The following MAP2K4 variants were observed in gnomAD, a reference collection of about 807,000 sequenced individuals.
MAP2K4 encodes dual specificity mitogen-activated protein kinase kinase 4.
A neutral mutation model predicts 48.5 loss-of-function variants in MAP2K4; 4 were observed. That is an observed-to-expected ratio of 0.08 (90% CI 0.04 to 0.19). MAP2K4 has a LOEUF of 0.19. MAP2K4 is among the 10% of genes least tolerant of loss of function. The pLI is 1.00. For synonymous variants in MAP2K4, 166 were observed against 173.1 expected, an observed-to-expected ratio of 0.96 and a Z score of 0.32; for missense variants, 258 against 493.3, an observed-to-expected ratio of 0.52 and a Z score of 4.52.
At chr17:12,139,684 A>T (rs901816577) in intron 9 of MAP2K4, among the ~76,000 whole-genome samples, 155 bp from the exon 10 acceptor site, 1 of 152,154 alleles carries the variant, frequency 6.6e-6, no homozygotes, top group Non-Finnish European at 1.5e-5. Context: ...AATTTTTTGT[A>T]TGTGCTTTTA....
Position 12,028,852 on chromosome 17 carries a change from A to G in MAP2K4, c.115+7851A>G, listed in dbSNP as rs560770940. ...TAGAGGAATGGGAATGGAGATAACT[A>G]CAAAACCTCATAATGGCCATTACAC... is the stretch of plus-strand genomic sequence containing the variant. On this transcript the variant is annotated intron_variant, in intron 1 of 10. Coordinates refer to ENST00000353533, the MANE Select transcript of MAP2K4 (RefSeq NM_003010.4). Among the ~76,000 whole-genome samples, 47 of 152,288 alleles carry G rather than the reference A, an allele frequency of 3.1e-4. 1 individual carries two copies. The highest frequency in any genetic ancestry group is 1.1e-3 in the African/African-American group (46 of 41,558).
intron 4 of MAP2K4, among the ~76,000 whole-genome samples, chr17:12,104,827 A>G (rs565084987): frequency 2.0e-5 from 3 of 152,236 alleles, no homozygotes; most frequent in Admixed American, 2.0e-4. Context: ...TTCCTATATA[A>G]AAGTCATGGA....
At chr17:12,122,179 C>T (rs1013683877) in intron 7 of MAP2K4, among the ~76,000 whole-genome samples, 6 of 152,178 alleles carry the variant, frequency 3.9e-5, no homozygotes, top group African/African-American at 1.4e-4. Context: ...ATTCCGTTCA[C>T]CTTATCTTAT....
chr17:12,126,618 C>T (rs989399018), intron 8 of MAP2K4, among the ~76,000 whole-genome samples: 2 of 152,230 alleles, frequency 1.3e-5, no homozygotes, highest in African/African-American at 4.8e-5. Context: ...AGGGTTCCAC[C>T]CTCGTGACCC....
chr17:12,046,061 C>T (rs929212116), intron 1 of MAP2K4, among the ~76,000 whole-genome samples: 1 of 152,124 alleles, frequency 6.6e-6, no homozygotes, highest in African/African-American at 2.4e-5. Context: ...GGAATCAGTG[C>T]AGGTATGTAG....
intron 2 of MAP2K4, among the ~76,000 whole-genome samples, chr17:12,061,164 G>T (rs1398272339): frequency 1.3e-5 from 2 of 152,118 alleles, no homozygotes; most frequent in African/African-American, 4.8e-5. Context: ...TTCTTTTTAA[G>T]GGTGAATAAA....
In MAP2K4 at chr17:12,020,938, A is replaced by T; in HGVS notation, c.52A>T (p.Ser18Cys). 8.6e-7 allele frequency: 1 copy of T among 1,161,828 alleles called. No individual in the cohort carries two copies. The highest frequency in any genetic ancestry group is 1.1e-6 in the Non-Finnish European group (1 of 946,574). The allele number at this position is 1,161,828 out of a possible 1,614,324, so 72.0% of individuals were successfully genotyped here. A position where few individuals can be genotyped will look rare whatever the true frequency, so the allele number is the denominator to read the frequency against. The change falls in exon 1 of 11, where the codon AGC (serine) becomes TGC (cysteine). Residue 18 changes from serine to cysteine, a missense_variant. Transcript: ENST00000353533. ...GGGGSGGGSG[S>C]GTPGPVGSPA... ...CGGCGGCTCCGGGGGCGGCAGCGGC[A>T]GCGGCACCCCCGGCCCCGTAGGGTC...
chr17:12,125,495 G>T, intron 8 of MAP2K4, 124 bp downstream of exon 8: 2 of 716,248 alleles, frequency 2.8e-6, no homozygotes. Context: ...ATGGTTTTAA[G>T]TTGCTGAAAA....
chr17:12,085,992 T>C (rs535400552), intron 3 of MAP2K4, among the ~76,000 whole-genome samples: 1 of 152,336 alleles, frequency 6.6e-6, no homozygotes, highest in African/African-American at 2.4e-5. Flanking sequence ...TTGAGGAGGT[T>C]CATTTTAGTG....
chr17:12,128,934 C>G (rs1296164925), intron 8 of MAP2K4, among the ~76,000 whole-genome samples: 1 of 152,228 alleles, frequency 6.6e-6, no homozygotes, highest in African/African-American at 2.4e-5. Context: ...TTGGTTGATT[C>G]AGAATTCTCT....
At chr17:12,051,841 G>A (rs1970148393) in intron 1 of MAP2K4, among the ~76,000 whole-genome samples, 1 of 151,680 alleles carries the variant, frequency 6.6e-6, no homozygotes, top group African/African-American at 2.4e-5. Context: ...CCTTGAAAAA[G>A]AAGTAAAGGA....
At chr17:12,087,938 C>T (rs1486972470) in intron 3 of MAP2K4, among the ~76,000 whole-genome samples, 1 of 151,922 alleles carries the variant, frequency 6.6e-6, no homozygotes, top group Non-Finnish European at 1.5e-5. Context: ...CGTGTGTGAT[C>T]TATTTAGAAG....
chr17:12,113,166 TA>T (rs749915843), intron 6 of MAP2K4, 66 bp from the exon 7 acceptor site: 58 of 1,508,622 alleles, frequency 3.8e-5, no homozygotes, highest in Non-Finnish European at 5.2e-5. Flanking sequence ...TATTTTTGCT[TA>T]AAGTGAAGCC....
At chr17:12,037,905 A>G (rs1969650628) in intron 1 of MAP2K4, among the ~76,000 whole-genome samples, 2 of 152,096 alleles carry the variant, frequency 1.3e-5, no homozygotes, top group Admixed American at 1.3e-4. Flanking sequence ...GTTGTCTTTG[A>G]CCTTGGAAAT....
intron 7 of MAP2K4, chr17:12,115,616 C>G: frequency 1.4e-6 from 1 of 736,830 alleles, no homozygotes; most frequent in Non-Finnish European, 2.5e-6. Flanking sequence ...GTAAAAGAGG[C>G]TATAGAAAGC....
chr17:12,138,770 G>A (rs932277423), intron 9 of MAP2K4, among the ~76,000 whole-genome samples: 1 of 152,156 alleles, frequency 6.6e-6, no homozygotes. Flanking sequence ...AGAAGGAAAC[G>A]AGATTGGGCA....
intron 4 of MAP2K4, among the ~76,000 whole-genome samples, chr17:12,103,720 G>T (rs150062928): frequency 6.6e-6 from 1 of 151,560 alleles, no homozygotes. Flanking sequence ...ACATAATATC[G>T]CTTTATGTAT....
At position 12,095,709 on chromosome 17, in the gene MAP2K4, G is replaced by C. The variant is rs1179539594; in HGVS notation, c.513+15G>C. ...TCTTCAGAGAGGTAGGAATAAACTG[G>C]GTTTTAGCTGACTAATGAATATCTA... is the stretch of plus-strand genomic sequence containing the variant. On this transcript the variant is annotated intron_variant, in intron 4 of 10. Transcript: ENST00000353533. 1 of 1,609,516 alleles carries C rather than the reference G, an allele frequency of 6.2e-7. No homozygotes were observed. Among genetic ancestry groups the C allele is most frequent in the Admixed American group, 1.7e-5 (1 of 58,826 alleles).
intron 2 of MAP2K4, among the ~76,000 whole-genome samples, chr17:12,072,071 A>G (rs1970833588): frequency 6.6e-6 from 1 of 152,174 alleles, no homozygotes; most frequent in South Asian, 2.1e-4. Context: ...GAGAAAAGCC[A>G]CCTTATATTG....
Sources: allele counts gnomAD v4.1 joint callset (sites outside exome capture counted in the v4.1 genomes callset), GRCh38; gene constraint gnomAD v4.1.1; transcripts MANE v1.5; gene names NCBI Gene and HGNC (gene_info 2026-07-23, HGNC 2026-07-21).